ITFG1: variants seen among roughly 807,000 people sequenced by gnomAD.
ITFG1 encodes T-cell immunomodulatory protein.
ITFG1 carries 34 observed loss-of-function variants against 81.8 expected under a neutral mutation model. That is an observed-to-expected ratio of 0.42 (90% confidence interval 0.32 to 0.55). ITFG1 has a LOEUF of 0.55. ITFG1 is among the 20% of genes least tolerant of loss of function. The pLI is 0.17. For synonymous variants in ITFG1, 285 were observed against 270.6 expected (o/e 1.05, Z -0.52); for missense variants, 672 against 755.4 (o/e 0.89, Z 1.29).
At chr16:47,158,422 C>G (rs1385132336) in intron 17 of ITFG1, among the ~76,000 whole-genome samples, 1 of 152,136 alleles carries the variant, frequency 6.6e-6, no homozygotes, top group Non-Finnish European at 1.5e-5. Flanking sequence ...TTACCTTCCA[C>G]CTAAACCTCA....
At chr16:47,392,386 G>T (rs2151596260) in intron 6 of ITFG1, among the ~76,000 whole-genome samples, 1 of 152,146 alleles carries the variant, frequency 6.6e-6, no homozygotes, top group East Asian at 1.9e-4. Flanking sequence ...GGCTGGAGGT[G>T]ACAGTGTGTC....
rs1567478918 is a variant in ITFG1 at position 47,375,858 on chromosome 16, A to C, written c.720+18T>G. 6.7e-7 allele frequency: 1 copy of C among 1,497,678 alleles called. No individual in the cohort carries two copies. The highest frequency in any genetic ancestry group is 1.7e-5 in the Admixed American group (1 of 59,802). 92.8% of individuals were successfully genotyped at this position (1,497,678 alleles called of 1,614,324 possible). On this transcript the variant is annotated intron_variant, in intron 7 of 17. Transcript: ENST00000320640. ...GAAAGCCATCATTTTAAAATGCTTC[A>C]AGGAAAAGATTTCTTACCAAATTTT...
intron 5 of ITFG1, among the ~76,000 whole-genome samples, chr16:47,442,402 T>C (rs963258851): frequency 2.6e-5 from 4 of 152,026 alleles, no homozygotes; most frequent in African/African-American, 9.7e-5. Flanking sequence ...GAGCCCGCCT[T>C]GCCAAGTCAT....
chr16:47,438,973 T>C (rs754578116), intron 5 of ITFG1, among the ~76,000 whole-genome samples: 1 of 151,828 alleles, frequency 6.6e-6, no homozygotes, highest in Non-Finnish European at 1.5e-5. Context: ...GAATAAACAA[T>C]GCAGAGAAGC....
intron 12 of ITFG1, among the ~76,000 whole-genome samples, chr16:47,258,219 A>G (rs1314714041): frequency 6.6e-6 from 1 of 152,230 alleles, no homozygotes; most frequent in African/African-American, 2.4e-5. Flanking sequence ...AATGCACAGC[A>G]TCAATTCTGC....
intron 6 of ITFG1, among the ~76,000 whole-genome samples, chr16:47,403,619 G>C (rs1968690094): frequency 6.6e-6 from 1 of 152,116 alleles, no homozygotes; most frequent in African/African-American, 2.4e-5. Context: ...TCTTAGATGT[G>C]CTAATGGCAC....
chr16:47,380,177 C>G (rs1049448368), intron 6 of ITFG1, among the ~76,000 whole-genome samples: 1 of 151,972 alleles, frequency 6.6e-6, no homozygotes, highest in African/African-American at 2.4e-5. Context: ...CTCTGCTATG[C>G]TAAGGTTAGA....
chr16:47,278,292 T>G (rs1158000773), intron 10 of ITFG1, among the ~76,000 whole-genome samples: 2 of 152,178 alleles, frequency 1.3e-5, no homozygotes, highest in Admixed American at 1.3e-4. Flanking sequence ...CTCAGTTGTA[T>G]CAGAATAATC....
intron 12 of ITFG1, among the ~76,000 whole-genome samples, chr16:47,239,277 T>G (rs1362747234): frequency 2.0e-5 from 3 of 152,098 alleles, no homozygotes; most frequent in Non-Finnish European, 4.4e-5. Context: ...CTTGGCTCAC[T>G]GCAACCTCCA....
At chr16:47,264,545 T>TACAC (rs60424367) in intron 10 of ITFG1, among the ~76,000 whole-genome samples, 7,767 of 136,046 alleles carry the variant, frequency 0.057, 326 homozygotes, top group African/African-American at 0.13. Context: ...TGTTCTCTAT[T>TACAC]ACACACACAC....
At chr16:47,239,958 C>T (rs1965914951) in intron 12 of ITFG1, among the ~76,000 whole-genome samples, 1 of 152,030 alleles carries the variant, frequency 6.6e-6, no homozygotes, top group Non-Finnish European at 1.5e-5. Context: ...TCTCACCCAA[C>T]ATATTTGCTC....
At position 47,440,644 on chromosome 16, in the gene ITFG1, CA is replaced by C. The variant is rs201570671; in HGVS notation, c.560+10751del. ...AGATGTTCTTCGAAACCAACGAGAA[CA>C]AAGACACAACATACCAGAATCTCTG... is the stretch of plus-strand genomic sequence containing the variant. On this transcript the variant is annotated intron_variant, in intron 5 of 17. Coordinates refer to ENST00000320640, the MANE Select transcript of ITFG1 (RefSeq NM_030790.5). Among the ~76,000 whole-genome samples the C allele has an allele frequency of 2.6e-3, 397 of 152,156 alleles. 10 individuals are homozygous for C. The highest frequency in any genetic ancestry group is 0.017 in the Admixed American group (263 of 15,284).
chr16:47,189,359 G>A (rs1314188494), intron 14 of ITFG1, among the ~76,000 whole-genome samples: 1 of 152,082 alleles, frequency 6.6e-6, no homozygotes, highest in Admixed American at 6.5e-5. Context: ...AGAGCACTTA[G>A]TTCCCATTTC....
At chr16:47,401,967 G>T (rs116582464) in intron 6 of ITFG1, among the ~76,000 whole-genome samples, 1 of 151,856 alleles carries the variant, frequency 6.6e-6, no homozygotes, top group African/African-American at 2.4e-5. Flanking sequence ...CCCCTTATGT[G>T]TTTTTTCACA....
chr16:47,287,763 T>G (rs1966875740), intron 10 of ITFG1, among the ~76,000 whole-genome samples: 1 of 152,158 alleles, frequency 6.6e-6, no homozygotes, highest in Admixed American at 6.5e-5. Context: ...TGTGGTTTTG[T>G]TTTGAATTTC....
chr16:47,397,066 A>G (rs1053968293), intron 6 of ITFG1, among the ~76,000 whole-genome samples: 1 of 152,262 alleles, frequency 6.6e-6, no homozygotes, highest in Non-Finnish European at 1.5e-5. Flanking sequence ...GGGGTGGCAG[A>G]AACCTCATAG....
chr16:47,281,612 T>G (rs1966452021), intron 10 of ITFG1, among the ~76,000 whole-genome samples: 1 of 152,180 alleles, frequency 6.6e-6, no homozygotes. Flanking sequence ...TGATAGTGTG[T>G]GGTTTTCAAG....
chr16:47,427,839 A>G (rs988193619), intron 6 of ITFG1, among the ~76,000 whole-genome samples: 1 of 152,250 alleles, frequency 6.6e-6, no homozygotes, highest in African/African-American at 2.4e-5. Flanking sequence ...AATGACATTA[A>G]GAAATTGTTG....
chr16:47,260,427 T>C (rs1454836921), intron 11 of ITFG1, 118 bp downstream of exon 11: 2 of 1,055,422 alleles, frequency 1.9e-6, no homozygotes, highest in Non-Finnish European at 2.8e-6. Flanking sequence ...CTTTCCTTAA[T>C]TAACTCATTT....
Sources: gnomAD v4.1 joint callset for allele counts (sites outside exome capture counted in the v4.1 genomes callset) on GRCh38, gnomAD v4.1.1 for gene constraint, MANE v1.5 for transcripts, NCBI Gene and HGNC (gene_info 2026-07-23, HGNC 2026-07-21) for gene names.